Variants in DAP observed in about 807,000 individuals in gnomAD.
DAP encodes the protein death associated protein.
In DAP, 8 loss-of-function variants were observed where a neutral mutation model predicts 13.8. The observed-to-expected ratio is 0.58, with a 90% CI of 0.34 to 1.05. DAP has a LOEUF of 1.05. Ranked by LOEUF, DAP falls within the 50% of genes least tolerant of loss-of-function variation. DAP has a pLI of 0.03. For missense variants in DAP, 106 were observed against 133.2 expected (o/e 0.80, Z 1.01); for synonymous variants, 47 against 47.5 (o/e 0.99, Z 0.04).
chr5:10,712,837 T>A (rs1468371625), intron 2 of DAP, among the ~76,000 whole-genome samples: 1 of 152,218 alleles, frequency 6.6e-6, no homozygotes, highest in Non-Finnish European at 1.5e-5. Context: ...TATCAACTTC[T>A]CTGTCTGTAG....
intron 2 of DAP, among the ~76,000 whole-genome samples, chr5:10,709,895 C>A (rs933216937): frequency 1.3e-5 from 2 of 152,192 alleles, no homozygotes; most frequent in African/African-American, 2.4e-5. Context: ...CCCAGGGCAT[C>A]GGTATGGATT....
At chr5:10,719,146 T>G (rs1739070286) in intron 2 of DAP, among the ~76,000 whole-genome samples, 1 of 152,238 alleles carries the variant, frequency 6.6e-6, no homozygotes, top group South Asian at 2.1e-4. Flanking sequence ...AGTTGCTGCA[T>G]TTGGCCCCTC....
chr5:10,738,111 G>A (rs1358328982), intron 2 of DAP, among the ~76,000 whole-genome samples: 2 of 152,226 alleles, frequency 1.3e-5, no homozygotes, highest in African/African-American at 4.8e-5. Flanking sequence ...CCAACACCTT[G>A]CTTTCAGCAT....
chr5:10,726,548 T>A lies in DAP; in HGVS notation c.152+21627A>T, dbSNP rs184401232. Among the ~76,000 whole-genome samples the A allele has an allele frequency of 9.2e-5, 14 of 152,272 alleles. No individual in the cohort carries two copies. The East Asian group carries it at 2.7e-3, about 29-fold the overall frequency. The stretch of plus-strand genomic sequence containing the variant: ...CTTGGTCACACAGAGGAGGCAGAGG[T>A]GTGACGGTGAAGGTGCCGGCCCCGG... On this transcript the variant is annotated intron_variant, in intron 2 of 3. Transcript: ENST00000230895.
At chr5:10,727,840 T>C (rs1350432668) in intron 2 of DAP, among the ~76,000 whole-genome samples, 1 of 152,218 alleles carries the variant, frequency 6.6e-6, no homozygotes, top group Non-Finnish European at 1.5e-5. Flanking sequence ...AATAGTGTAG[T>C]ATGTGCATAT....
At position 10,761,165 on chromosome 5, in the gene DAP, G is replaced by A. The variant is rs1459274520; in HGVS notation, c.-97C>T. On this transcript the variant is annotated 5_prime_UTR_variant, in exon 1 of 4. Coordinates refer to ENST00000230895, the MANE Select transcript of DAP (RefSeq NM_004394.3). The stretch of plus-strand genomic sequence containing the variant: ...CTCAGGTGTGAGCGCCGGGGAGCGA[G>A]CGGGCGGGAGAACGACGCGCGCGCG... 7.3e-6 allele frequency: 5 copies of A among 687,008 alleles called. No homozygotes were observed. Among genetic ancestry groups the A allele is most frequent in the Non-Finnish European group, 9.8e-6 (5 of 511,286 alleles). 42.6% of individuals were successfully genotyped at this position (687,008 alleles called of 1,614,324 possible).
At chr5:10,729,143 A>T (rs1739371805) in intron 2 of DAP, among the ~76,000 whole-genome samples, 1 of 152,138 alleles carries the variant, frequency 6.6e-6, no homozygotes, top group African/African-American at 2.4e-5. Context: ...AGGTTTCAAA[A>T]ATGTCAAAAC....
At chr5:10,746,524 T>A (rs1471075116) in intron 2 of DAP, among the ~76,000 whole-genome samples, 2 of 151,952 alleles carry the variant, frequency 1.3e-5, no homozygotes, top group Non-Finnish European at 1.5e-5. Flanking sequence ...GAGACGGGGT[T>A]TCCCCATGTT....
chr5:10,732,635 T>C (rs1425844139), intron 2 of DAP, among the ~76,000 whole-genome samples: 1 of 152,242 alleles, frequency 6.6e-6, no homozygotes, highest in Non-Finnish European at 1.5e-5. Context: ...TGAACATTCA[T>C]GTACAAGTTT....
chr5:10,729,879 T>C (rs1739391093), intron 2 of DAP, among the ~76,000 whole-genome samples: 1 of 152,228 alleles, frequency 6.6e-6, no homozygotes, highest in Middle Eastern at 3.2e-3. Flanking sequence ...AGCTCCAGCA[T>C]GCACTTGTGG....
intron 2 of DAP, among the ~76,000 whole-genome samples, chr5:10,712,035 A>C (rs1738866152): frequency 6.6e-6 from 1 of 152,124 alleles, no homozygotes; most frequent in Admixed American, 6.5e-5. Flanking sequence ...GTGTGACTCT[A>C]CTTGGGGACA....
chr5:10,732,099 C>T (rs962421091), intron 2 of DAP, among the ~76,000 whole-genome samples: 1 of 152,244 alleles, frequency 6.6e-6, no homozygotes, highest in Non-Finnish European at 1.5e-5. Context: ...CCACAGTGAG[C>T]TTCCGCTTTC....
chr5:10,760,113 T>C (rs1740302018), intron 1 of DAP, among the ~76,000 whole-genome samples: 1 of 152,162 alleles, frequency 6.6e-6, no homozygotes, highest in South Asian at 2.1e-4. Flanking sequence ...GCCATGTTTC[T>C]CAAAGACTTC....
chr5:10,699,041 G>C (rs1370644358), intron 2 of DAP, among the ~76,000 whole-genome samples: 1 of 152,126 alleles, frequency 6.6e-6, no homozygotes, highest in Non-Finnish European at 1.5e-5. Context: ...GTGCAGGTTT[G>C]GGGGGGATCT....
rs145854673 is a variant in DAP at position 10,702,546 on chromosome 5, G to C, written c.153-18975C>G. Among the ~76,000 whole-genome samples, 551 of 152,280 alleles carry C rather than the reference G, an allele frequency of 3.6e-3. 4 individuals carry two copies. The highest frequency in any genetic ancestry group is 0.013 in the African/African-American group (537 of 41,542). On this transcript the variant is annotated intron_variant, in intron 2 of 3. Transcript: ENST00000230895. ...ATTGGCTTTTCTCCCTCTTTAGAGG[G>C]AGCTCAGGCTAACAGGTACTTCTTC...
At chr5:10,733,467 A>G (rs979824701) in intron 2 of DAP, among the ~76,000 whole-genome samples, 2 of 152,302 alleles carry the variant, frequency 1.3e-5, no homozygotes, top group Admixed American at 1.3e-4. Context: ...AAAATCTGAC[A>G]TCTCACCTCT....
chr5:10,718,506 G>A (rs1467953306), intron 2 of DAP, among the ~76,000 whole-genome samples: 1 of 152,224 alleles, frequency 6.6e-6, no homozygotes, highest in Non-Finnish European at 1.5e-5. Context: ...ATTCCTGGAG[G>A]GACTGCGGAG....
At position 10,679,736 on chromosome 5, in the gene DAP, A is replaced by G. The variant is rs750589342; in HGVS notation, c.*1320T>C. 3.9e-5 allele frequency: 6 copies of G among 152,438 alleles called. No individual in the cohort carries two copies. Among genetic ancestry groups the G allele is most frequent in the Non-Finnish European group, 8.8e-5 (6 of 68,112 alleles). 9.4% of individuals were successfully genotyped at this position (152,438 alleles called of 1,614,324 possible). A position where few individuals can be genotyped will look rare whatever the true frequency, so the allele number is the denominator to read the frequency against. On this transcript the variant is annotated 3_prime_UTR_variant, in exon 4 of 4. Transcript: ENST00000230895. ...GAGGCTGTGCCATGCTCCCTCAGGG[A>G]GGAGGGGCGCTGGGTCTGACCAGGT...
chr5:10,715,502 T>G (rs1377060523), intron 2 of DAP, among the ~76,000 whole-genome samples: 2 of 152,132 alleles, frequency 1.3e-5, no homozygotes, highest in African/African-American at 2.4e-5. Flanking sequence ...TCTTCTGAGC[T>G]TGAGAAACGC....
Sources: allele counts gnomAD v4.1 joint callset (sites outside exome capture counted in the v4.1 genomes callset), GRCh38; gene constraint gnomAD v4.1.1; transcripts MANE v1.5; gene names NCBI Gene and HGNC (gene_info 2026-07-23, HGNC 2026-07-21).